ABCC9: variants seen among roughly 807,000 people sequenced by gnomAD.
The protein encoded by ABCC9 is ATP-binding cassette sub-family C member 9.
A neutral mutation model predicts 188.3 loss-of-function variants in ABCC9; 95 were observed. The ratio of observed to expected loss-of-function variants is 0.50; its 90% CI spans 0.43 to 0.60. The LOEUF is 0.60. Ranked by LOEUF, ABCC9 falls within the 20% of genes least tolerant of loss-of-function variation. ABCC9 has a pLI of 0.00. For synonymous variants in ABCC9, 659 were observed against 652.7 expected, an observed-to-expected ratio of 1.01 and a Z score of -0.15; for missense variants, 1,102 against 1,876.3, an observed-to-expected ratio of 0.59 and a Z score of 7.62.
intron 15 of ABCC9, among the ~76,000 whole-genome samples, chr12:21,884,942 A>G (rs954725858): frequency 6.6e-6 from 1 of 152,208 alleles, no homozygotes; most frequent in Non-Finnish European, 1.5e-5. Context: ...CTACACCTAC[A>G]TATAAAATGT....
At chr12:21,891,324 A>T (rs532066402) in intron 14 of ABCC9, among the ~76,000 whole-genome samples, 3 of 152,350 alleles carry the variant, frequency 2.0e-5, no homozygotes, top group Admixed American at 6.5e-5. Context: ...TGAGGCAAGC[A>T]TTCTAAAAAA....
At chr12:21,872,488 A>ATT (rs374491127) in intron 18 of ABCC9, 137 bp downstream of exon 18, 11 of 633,938 alleles carry the variant, frequency 1.7e-5, no homozygotes, top group African/African-American at 7.4e-5. Flanking sequence ...GTTTCCATCA[A>ATT]TTTTTTTTTT....
At chr12:21,879,089 A>G (rs1261665137) in intron 16 of ABCC9, among the ~76,000 whole-genome samples, 1 of 152,242 alleles carries the variant, frequency 6.6e-6, no homozygotes. Context: ...AGTAAAATGC[A>G]GCGACACATT....
Position 21,812,121 on chromosome 12 carries a change from A to C in ABCC9, c.4139T>G (p.Leu1380Ter). 2 of 1,613,108 alleles carry C rather than the reference A, an allele frequency of 1.2e-6. No homozygotes were observed. The highest frequency in any genetic ancestry group is 1.7e-6 in the Non-Finnish European group (2 of 1,179,222). ...TCTAGAACGTAGTGTGTGCAGTGGT[A>C]ATTTGGAAATGTCTATCCCATCAAT... ...IVIDGIDISK[L>*]PLHTLRSRLS... Residue 1380 changes from leucine (L) to a stop codon, truncating the protein, a stop_gained, in exon 36 of 40, where the codon TTA becomes TGA. Coordinates refer to ENST00000261200, the MANE Select transcript of ABCC9 (RefSeq NM_020297.4). LOFTEE classifies it high-confidence loss of function.
intron 34 of ABCC9, 83 bp from the exon 35 acceptor site, chr12:21,814,805 A>C: frequency 9.5e-7 from 1 of 1,057,628 alleles, no homozygotes; most frequent in East Asian, 2.5e-5. Context: ...TTAACTTAAG[A>C]TATTATGATA....
At chr12:21,870,211 CT>C (rs201336471) in intron 18 of ABCC9, among the ~76,000 whole-genome samples, 1 of 150,874 alleles carries the variant, frequency 6.6e-6, no homozygotes, top group East Asian at 2.0e-4. Context: ...AAGAATTAAC[CT>C]TTTATTGACT....
At chr12:21,836,667 C>G (rs1170952891) in intron 30 of ABCC9, among the ~76,000 whole-genome samples, 3 of 152,034 alleles carry the variant, frequency 2.0e-5, no homozygotes, top group Non-Finnish European at 4.4e-5. Flanking sequence ...AGGCTGTGAG[C>G]TCCTTAACAC....
chr12:21,906,536 A>G (rs1421862191), intron 11 of ABCC9, among the ~76,000 whole-genome samples: 1 of 152,138 alleles, frequency 6.6e-6, no homozygotes, highest in Non-Finnish European at 1.5e-5. Context: ...TTTGGTTTAC[A>G]TAAAAGCTAA....
At chr12:21,868,674 C>CAA (rs1487271814) in intron 18 of ABCC9, among the ~76,000 whole-genome samples, 1 of 152,014 alleles carries the variant, frequency 6.6e-6, no homozygotes, top group Non-Finnish European at 1.5e-5. Flanking sequence ...CAATCAGAGA[C>CAA]ACATGTAATG....
rs1941357185 is a variant in ABCC9, at chr12:21,800,044, CTCTT to C, written c.*996_*999del. On this transcript the variant is annotated 3_prime_UTR_variant, in exon 40 of 40. Transcript: ENST00000261200. ...GGCATAAATGTCTAGAAGAGGTAAA[CTCTT>C]TCAGCTAGAAATAGACACTTGTTTT... 6.6e-6 allele frequency: 1 copy of C among 152,156 alleles called. No homozygotes were observed. Among genetic ancestry groups the C allele is most frequent in the Non-Finnish European group, 1.5e-5 (1 of 68,028 alleles). 9.4% of individuals were successfully genotyped at this position (152,156 alleles called of 1,614,324 possible).
intron 8 of ABCC9, 37 bp from the exon 9 acceptor site, chr12:21,911,015 C>G: frequency 6.2e-7 from 1 of 1,606,620 alleles, no homozygotes. Context: ...TATTAAAACT[C>G]GTCTTTTTAT....
In ABCC9 at chr12:21,936,655, C is replaced by T. The variant is rs1475114116; in HGVS notation, c.20G>A (p.Gly7Asp). Residue 7 changes from glycine (G) to aspartate (D), a missense_variant, in exon 3 of 40, where the codon GGT (glycine) becomes GAT (aspartate). Gly to Asp is a moderately conservative substitution (Grantham distance 94, BLOSUM62 -1). Around this residue, in one of 12 missense-constraint regions of ABCC9, gnomAD observed 305 missense variants for 573.0 expected, o/e 0.53. Coordinates refer to ENST00000261200, the MANE Select transcript of ABCC9 (RefSeq NM_020297.4). ...GATATTATATGAAGAAATGTTGTTA[C>T]CACAAAATGAAAGGCTCATTTCTTC... MSLSFC[G>D]NNISSYNIND... is the part of the protein sequence containing the mutation. 6.2e-7 allele frequency: 1 copy of T among 1,610,804 alleles called. No homozygotes were observed.
rs190207095 is a variant in ABCC9 at position 21,898,378 on chromosome 12, A to G, written c.1619-3063T>C. Among the ~76,000 whole-genome samples, 19 of 152,294 alleles carry G rather than the reference A, an allele frequency of 1.2e-4. No homozygotes were observed. The East Asian group carries it at 3.7e-3, about 29-fold the overall frequency. ...AGAAGGATGTATTGAAGGGGTCACC[A>G]ACTTAGAGTAGTACAATATAAGCAA... On this transcript the variant is annotated intron_variant, in intron 12 of 39. Transcript: ENST00000261200.
intron 27 of ABCC9, 25 bp downstream of exon 27, chr12:21,844,742 G>A (rs574943307): frequency 4.3e-6 from 7 of 1,612,384 alleles, no homozygotes; most frequent in Non-Finnish European, 5.9e-6. Context: ...TTATGTGTGG[G>A]AGTGAGAAAT....
intron 3 of ABCC9, among the ~76,000 whole-genome samples, chr12:21,935,284 A>G (rs1949442431): frequency 1.3e-5 from 2 of 152,178 alleles, no homozygotes; most frequent in Non-Finnish European, 2.9e-5. Context: ...ATGGCCTACA[A>G]ATAATACTAC....
intron 39 of ABCC9, among the ~76,000 whole-genome samples, chr12:21,801,904 G>C (rs1414851297): frequency 6.6e-6 from 1 of 152,192 alleles, no homozygotes; most frequent in Non-Finnish European, 1.5e-5. Flanking sequence ...CATTCACAGA[G>C]ATAAAGCAAA....
chr12:21,886,457 A>G (rs570514789), intron 15 of ABCC9, among the ~76,000 whole-genome samples: 71 of 152,138 alleles, frequency 4.7e-4, no homozygotes, highest in Admixed American at 4.0e-3. Flanking sequence ...TTTTTTCACA[A>G]TATCCACTGC....
intron 12 of ABCC9, among the ~76,000 whole-genome samples, chr12:21,903,273 C>T (rs758679518): frequency 2.0e-5 from 3 of 152,084 alleles, no homozygotes; most frequent in Admixed American, 6.6e-5. Context: ...ATTGATGGGA[C>T]GTATCTCAAA....
At chr12:21,930,338 T>C (rs1053291143) in intron 4 of ABCC9, among the ~76,000 whole-genome samples, 7 of 152,154 alleles carry the variant, frequency 4.6e-5, no homozygotes, top group African/African-American at 1.7e-4. Flanking sequence ...AGGATAATTA[T>C]AAAAGTGTAA....
Sources: gnomAD v4.1 joint callset for allele counts (sites outside exome capture counted in the v4.1 genomes callset) on GRCh38, gnomAD v4.1.1 for gene constraint, gnomAD v4.1.1 regional missense constraint, MANE v1.5 for transcripts, NCBI Gene and HGNC (gene_info 2026-07-23, HGNC 2026-07-21) for gene names.